Variants in TANC2 observed in about 807,000 individuals in gnomAD.
TANC2 encodes the protein tetratricopeptide repeat, ankyrin repeat and coiled-coil containing 2.
In TANC2, 26 loss-of-function variants were observed where a neutral mutation model predicts 210.5. That is an observed-to-expected ratio of 0.12 (90% CI 0.09 to 0.17). TANC2 has a LOEUF of 0.17. TANC2 is among the 10% of genes least tolerant of loss of function. The pLI is 1.00. For synonymous variants in TANC2, 931 were observed against 967.1 expected, an observed-to-expected ratio of 0.96 and a Z score of 0.69; for missense variants, 2,129 against 2,608.9, an observed-to-expected ratio of 0.82 and a Z score of 4.01.
At chr17:63,281,449 A>G (rs2044054976) in intron 9 of TANC2, among the ~76,000 whole-genome samples, 1 of 152,132 alleles carries the variant, frequency 6.6e-6, no homozygotes, top group Non-Finnish European at 1.5e-5. Flanking sequence ...AAGAAATCCT[A>G]ATAAGCTCTG....
rs139160425 is a variant in TANC2 at position 63,342,193 on chromosome 17, A to G, written c.1807+1861A>G. 2.6e-5 allele frequency among the ~76,000 whole-genome samples: 4 copies of G among 152,208 alleles called. No homozygotes were observed. In the East Asian group the frequency reaches 5.8e-4, roughly 22 times the overall value. On this transcript the variant is annotated intron_variant, in intron 12 of 27. Transcript: ENST00000689528. The stretch of plus-strand genomic sequence containing the variant: ...AAATATATATATGTATTTATGGTAC[A>G]TAACACATAATGTATAACAAGAATT...
chr17:63,132,887 C>A (rs1567751151), intron 4 of TANC2, among the ~76,000 whole-genome samples: 1 of 152,168 alleles, frequency 6.6e-6, no homozygotes, highest in Admixed American at 6.5e-5. Context: ...GAGACAAAGA[C>A]TCACTTTGTT....
chr17:63,148,969 A>G (rs2039555401), intron 4 of TANC2: 1 of 152,120 alleles, frequency 6.6e-6, no homozygotes, highest in South Asian at 2.1e-4. Context: ...CACCATTATC[A>G]TCTACCTTAT....
intron 11 of TANC2, among the ~76,000 whole-genome samples, chr17:63,330,480 A>T (rs1421920052): frequency 6.6e-6 from 1 of 152,202 alleles, no homozygotes; most frequent in Non-Finnish European, 1.5e-5. Context: ...AATTTGCATG[A>T]CAATAAACAA....
At chr17:63,374,030 T>TG (rs1219632687) in intron 14 of TANC2, among the ~76,000 whole-genome samples, 2 of 125,354 alleles carry the variant, frequency 1.6e-5, no homozygotes, top group East Asian at 2.0e-4. Flanking sequence ...CAGTTGTTGT[T>TG]GGTTTTTTTT....
At chr17:63,355,766 A>T (rs2046763176) in intron 14 of TANC2, among the ~76,000 whole-genome samples, 2 of 152,146 alleles carry the variant, frequency 1.3e-5, no homozygotes, top group Admixed American at 1.3e-4. Flanking sequence ...TTAGGGCAGA[A>T]TCATTTCAAA....
intron 1 of TANC2, among the ~76,000 whole-genome samples, chr17:62,979,822 G>A (rs1186185506): frequency 6.6e-6 from 1 of 152,306 alleles, no homozygotes. Context: ...GAGGCAGGAG[G>A]ATAGCTTGAG....
intron 9 of TANC2, among the ~76,000 whole-genome samples, chr17:63,268,149 G>A (rs1448662123): frequency 6.6e-6 from 1 of 152,212 alleles, no homozygotes; most frequent in Non-Finnish European, 1.5e-5. Context: ...AAGGGGCTGT[G>A]GTAATGGGGG....
intron 2 of TANC2, among the ~76,000 whole-genome samples, chr17:63,054,012 T>C (rs551990196): frequency 1.3e-5 from 2 of 152,336 alleles, no homozygotes; most frequent in East Asian, 3.9e-4. Context: ...CCTTCAGCAG[T>C]AGAGAGCCTT....
intron 9 of TANC2, among the ~76,000 whole-genome samples, chr17:63,277,278 C>CG (rs1555621886): frequency 2.3e-4 from 33 of 141,412 alleles, no homozygotes; most frequent in Non-Finnish European, 1.2e-4. Context: ...CCATCTTCTT[C>CG]TTTTTTTTTT....
At chr17:63,426,204 C>G (rs141361587) in exon 28 of TANC2, 2 of 152,398 alleles carry the variant, frequency 1.3e-5, no homozygotes, top group Non-Finnish European at 2.9e-5. Flanking sequence ...TGCTCGCTCA[C>G]TGGGAGGTGC....
At chr17:63,350,809 A>G (rs1383501967) in intron 12 of TANC2, among the ~76,000 whole-genome samples, 2 of 151,720 alleles carry the variant, frequency 1.3e-5, no homozygotes, top group Non-Finnish European at 2.9e-5. Flanking sequence ...TAGACTTTAC[A>G]TAAACCTTTT....
At chr17:63,277,281 T>TC (rs2043907351) in intron 9 of TANC2, among the ~76,000 whole-genome samples, 1 of 151,338 alleles carries the variant, frequency 6.6e-6, no homozygotes, top group Non-Finnish European at 1.5e-5. Context: ...TCTTCTTCTT[T>TC]TTTTTTTTTT....
intron 21 of TANC2, among the ~76,000 whole-genome samples, chr17:63,410,519 T>C (rs2048661427): frequency 6.6e-6 from 1 of 152,064 alleles, no homozygotes; most frequent in African/African-American, 2.4e-5. Flanking sequence ...GACAAACATG[T>C]CCTGGGCTCC....
chr17:63,221,864 A>G (rs1024450165), intron 7 of TANC2, among the ~76,000 whole-genome samples: 1 of 152,192 alleles, frequency 6.6e-6, no homozygotes. Flanking sequence ...TTCAACAAAA[A>G]TCTGCCATTT....
At chr17:63,050,359 G>GAAAAA (rs755089558) in intron 2 of TANC2, among the ~76,000 whole-genome samples, 1 of 84,870 alleles carries the variant, frequency 1.2e-5, no homozygotes, top group African/African-American at 4.1e-5. Flanking sequence ...CCTGTTTCAA[G>GAAAAA]AAAAAAAAAA....
chr17:63,074,026 TC>T lies in TANC2; in HGVS notation c.139+13del. ...CCGCTCTGGGCAAGGTAAATTTTCA[TC>T]AGATTGATTATTAAATTTCAAAAAA... On this transcript the variant is annotated intron_variant, in intron 3 of 27. Transcript: ENST00000689528. 6.4e-7 allele frequency: 1 copy of T among 1,555,944 alleles called. No individual in the cohort carries two copies. Among genetic ancestry groups the T allele is most frequent in the African/African-American group, 1.4e-5 (1 of 73,148 alleles).
intron 2 of TANC2, among the ~76,000 whole-genome samples, chr17:63,021,869 G>C (rs749133162): frequency 5.3e-5 from 8 of 152,186 alleles, no homozygotes; most frequent in Non-Finnish European, 1.2e-4. Context: ...GATTACATAA[G>C]TGGTCATGAG....
chr17:63,339,739 C>CTA (rs3069424), intron 11 of TANC2, among the ~76,000 whole-genome samples: 26,937 of 151,968 alleles, frequency 0.18, 4,794 homozygotes, highest in African/African-American at 0.46. Context: ...AGACTATTTC[C>CTA]TATACTGCTC....
Sources: gnomAD v4.1 joint callset for allele counts (sites outside exome capture counted in the v4.1 genomes callset) on GRCh38, gnomAD v4.1.1 for gene constraint, MANE v1.5 for transcripts, NCBI Gene and HGNC (gene_info 2026-07-23, HGNC 2026-07-21) for gene names.